Variants in NIN observed in about 807,000 individuals in gnomAD.
The protein encoded by NIN is ninein.
A neutral mutation model predicts 257.6 loss-of-function variants in NIN; 137 were observed. The observed-to-expected ratio is 0.53, with a 90% CI of 0.46 to 0.61. The LOEUF is 0.61. NIN is among the 20% of genes least tolerant of loss of function. The probability of loss-of-function intolerance (pLI) is 0.00; values close to 1 mark genes in which losing one functional copy is unlikely to be tolerated. For missense variants in NIN, 2,439 were observed against 2,501.2 expected, an observed-to-expected ratio of 0.98 and a Z score of 0.53; for synonymous variants, 918 against 919.8, an observed-to-expected ratio of 1.00 and a Z score of 0.04.
chr14:50,738,635 A>G (rs1362826808), intron 26 of NIN, among the ~76,000 whole-genome samples: 1 of 152,156 alleles, frequency 6.6e-6, no homozygotes, highest in Non-Finnish European at 1.5e-5. Context: ...TTTAGGAGAG[A>G]ATGGGCTGAC....
intron 2 of NIN, 64 bp from the exon 3 acceptor site, chr14:50,822,141 CCTGGCACATTCCCGTTCT>C (rs1292769086): frequency 5.1e-6 from 6 of 1,187,568 alleles, no homozygotes; most frequent in Middle Eastern, 4.0e-4. Context: ...GTGGTCACCA[CCTGGCACATTCCCGTTCT>C]CTGTACCCCA....
intron 7 of NIN, among the ~76,000 whole-genome samples, chr14:50,774,989 G>T (rs927593124): frequency 1.3e-5 from 2 of 152,306 alleles, no homozygotes; most frequent in Admixed American, 6.5e-5. Context: ...CTGGTTTGCT[G>T]AAGTGTAAGT....
intron 27 of NIN, among the ~76,000 whole-genome samples, chr14:50,736,336 A>C (rs2040977664): frequency 6.6e-6 from 1 of 151,536 alleles, no homozygotes; most frequent in South Asian, 2.1e-4. Flanking sequence ...ATGGGATTTC[A>C]CCATGTTGAT....
intron 15 of NIN, among the ~76,000 whole-genome samples, chr14:50,762,961 A>G (rs1329883939): frequency 6.6e-6 from 1 of 152,206 alleles, no homozygotes; most frequent in East Asian, 1.9e-4. Context: ...TTGGCCATCT[A>G]TGGAAAAGTC....
At chr14:50,735,656 C>A (rs762760086) in intron 27 of NIN, 39 bp from the exon 28 acceptor site, 2 of 1,578,482 alleles carry the variant, frequency 1.3e-6, no homozygotes, top group Non-Finnish European at 1.7e-6. Context: ...GAAACAGAAA[C>A]AAAAACACTT....
At chr14:50,747,971 C>T in intron 22 of NIN, 21 bp downstream of exon 22, 1 of 1,524,462 alleles carries the variant, frequency 6.6e-7, no homozygotes, top group Non-Finnish European at 9.1e-7. Flanking sequence ...GTGAACCCCC[C>T]TTAGCTGCAC....
intron 2 of NIN, among the ~76,000 whole-genome samples, chr14:50,825,998 A>G (rs1026890710): frequency 2.0e-5 from 3 of 152,228 alleles, no homozygotes; most frequent in East Asian, 3.8e-4. Context: ...TTATATAAAA[A>G]TGATCATGAA....
rs553916247 is a variant in NIN, at chr14:50,739,576, C to T, written c.5449-89G>A. The T allele has an allele frequency of 1.0e-4, 122 of 1,212,108 alleles. 1 individual carries two copies. The Middle Eastern group carries it at 2.3e-3, about 23-fold the overall frequency. 75.1% of individuals were successfully genotyped at this position (1,212,108 alleles called of 1,614,324 possible). ...AGGTGTCATGTTTACCCAATGACAA[C>T]GACTCCTAATAAGTACCTTTCAATT... On this transcript the variant is annotated intron_variant, in intron 25 of 30. Transcript: ENST00000530997.
At chr14:50,785,915 C>A (rs4898672) in intron 5 of NIN, among the ~76,000 whole-genome samples, 9 of 152,328 alleles carry the variant, frequency 5.9e-5, no homozygotes, top group Non-Finnish European at 8.8e-5. Context: ...TCTGAACTCC[C>A]GGACAAGCTC....
Position 50,805,353 on chromosome 14 carries a change from C to T in NIN, c.265+1384G>A, listed in dbSNP as rs530169821. Among the ~76,000 whole-genome samples the T allele has an allele frequency of 9.2e-4, 140 of 152,284 alleles. 3 individuals are homozygous for T. Among genetic ancestry groups the T allele is most frequent in the Admixed American group, 7.3e-3 (112 of 15,306 alleles). The stretch of plus-strand genomic sequence containing the variant: ...TTCTAGCAGCGGTCACCTGTGGAAA[C>T]GCTAATGTTTGTCTGGAAAATTTCA... On this transcript the variant is annotated intron_variant, in intron 4 of 30. Transcript: ENST00000530997.
chr14:50,728,140 G>T (rs933441702), intron 29 of NIN, among the ~76,000 whole-genome samples: 4 of 152,006 alleles, frequency 2.6e-5, no homozygotes, highest in African/African-American at 9.7e-5. Flanking sequence ...ATTGGTGGGT[G>T]GGTTGGAAAC....
chr14:50,770,668 A>G, intron 11 of NIN, 106 bp from the exon 12 acceptor site: 2 of 1,408,448 alleles, frequency 1.4e-6, no homozygotes, highest in Non-Finnish European at 1.9e-6. Context: ...AAGCACCTGG[A>G]TAAAATATCT....
At chr14:50,765,589 A>T (rs2042447236) in intron 14 of NIN, among the ~76,000 whole-genome samples, 1 of 152,080 alleles carries the variant, frequency 6.6e-6, no homozygotes, top group Non-Finnish European at 1.5e-5. Flanking sequence ...CTTTAGGGGA[A>T]TTTTTTTAAA....
chr14:50,790,749 C>T (rs2043555753), intron 5 of NIN, among the ~76,000 whole-genome samples: 1 of 152,280 alleles, frequency 6.6e-6, no homozygotes, highest in African/African-American at 2.4e-5. Flanking sequence ...TGAAATGATA[C>T]TCCCAAAATA....
intron 17 of NIN, among the ~76,000 whole-genome samples, chr14:50,759,532 C>T (rs1421211649): frequency 2.0e-5 from 3 of 150,782 alleles, no homozygotes; most frequent in Non-Finnish European, 2.9e-5. Flanking sequence ...CTCGCTCTGT[C>T]GCCCAGGCTG....
rs75524304 is a variant in NIN, at chr14:50,825,552, G to A, written c.-21-3475C>T. Among the ~76,000 whole-genome samples the A allele has an allele frequency of 7.9e-3, 1,205 of 152,296 alleles. 14 individuals are homozygous for A. The highest frequency in any genetic ancestry group is 0.027 in the African/African-American group (1,141 of 41,542). ...TGGATCTTCTCATTTTCCCACGCAA[G>A]ATGTAGAAATTGGGGCTTGGCAAAA... On this transcript the variant is annotated intron_variant, in intron 2 of 30. Transcript: ENST00000530997.
rs1274270018 is a variant in NIN at position 50,758,623 on chromosome 14, T to A, written c.2407A>T (p.Met803Leu). 6.4e-7 allele frequency: 1 copy of A among 1,555,938 alleles called. No homozygotes were observed. The highest frequency in any genetic ancestry group is 1.4e-5 in the African/African-American group (1 of 72,422). The change falls in exon 18 of 31, where the codon ATG (methionine) becomes TTG (leucine). Residue 803 changes from methionine to leucine, a missense_variant. By Grantham distance (15) the Met-to-Leu change is conservative. Transcript: ENST00000530997. ...QRELQEGREK[M>L]ETECNRRTSQ... is the part of the protein sequence containing the mutation. The stretch of plus-strand genomic sequence containing the variant: ...GTTCTTCTATTACACTCTGTTTCCA[T>A]TTTTTCCCTAAATATAGTCAACATA...
intron 25 of NIN, 67 bp from the exon 26 acceptor site, chr14:50,739,554 T>G: frequency 6.7e-7 from 1 of 1,502,140 alleles, no homozygotes. Context: ...TTGAGACAGG[T>G]GTCATGTTTA....
intron 1 of NIN, chr14:50,830,752 C>T (rs998740032): frequency 1.2e-3 from 179 of 151,848 alleles, no homozygotes; most frequent in Non-Finnish European, 1.5e-3. Flanking sequence ...GCAGCCCGCG[C>T]CTCCGGGACC....
Sources: allele counts gnomAD v4.1 joint callset (sites outside exome capture counted in the v4.1 genomes callset), GRCh38; gene constraint gnomAD v4.1.1; transcripts MANE v1.5; gene names NCBI Gene and HGNC (gene_info 2026-07-23, HGNC 2026-07-21).